The following PTPRG variants were observed in gnomAD, a reference collection of about 807,000 sequenced individuals.
The protein encoded by PTPRG is receptor-type tyrosine-protein phosphatase gamma.
Under a neutral mutation model 165.3 loss-of-function variants are expected in PTPRG, and 102 were observed. The observed-to-expected ratio is 0.62, with a 90% CI of 0.53 to 0.73. The LOEUF (loss-of-function observed/expected upper bound fraction) is 0.73. Ranked by LOEUF, PTPRG falls within the 30% of genes least tolerant of loss-of-function variation. The pLI is 0.00. For synonymous variants in PTPRG, 675 were observed against 669.5 expected, an observed-to-expected ratio of 1.01 and a Z score of -0.13; for missense variants, 1,866 against 1,861.4, an observed-to-expected ratio of 1.00 and a Z score of -0.05.
rs566944160 is a variant in PTPRG, at chr3:62,269,124, C to T, written c.2964C>T (p.Cys988=). 2.1e-4 allele frequency: 336 copies of T among 1,601,614 alleles called. 3 individuals carry two copies. The South Asian group carries it at 3.4e-3, about 16-fold the overall frequency. ...TGAAGAGCACAAAAATACATGCCTG[C>T]TACACTGTTCGTCGTTTTTCAATCA... The part of the protein sequence containing the change: ...VTLKSTKIHA[C]YTVRRFSIRN... The change falls in exon 20 of 30, where the codon TGC becomes TGT. Residue 988 remains cysteine, a synonymous_variant. Transcript: ENST00000474889.
intron 6 of PTPRG, among the ~76,000 whole-genome samples, chr3:62,143,842 T>C (rs971111947): frequency 1.1e-4 from 17 of 152,222 alleles, no homozygotes; most frequent in Admixed American, 9.2e-4. Flanking sequence ...TACAAATTAC[T>C]GAACCTCTCT....
rs575122203 is a variant in PTPRG at position 62,169,407 on chromosome 3, T to A, written c.1033+1244T>A. 5.9e-5 allele frequency among the ~76,000 whole-genome samples: 9 copies of A among 152,264 alleles called. No individual in the cohort carries two copies. In the East Asian group the frequency reaches 1.7e-3, roughly 29 times the overall value. Reference sequence around the variant, plus strand: ...GCTTATTATTTTTTTAACCTATTATTTAACAGTTTAACCCCGGTATCTGAT... The same window carrying A: ...GCTTATTATTTTTTTAACCTATTATATAACAGTTTAACCCCGGTATCTGAT... On this transcript the variant is annotated intron_variant, in intron 8 of 29. Coordinates refer to ENST00000474889, the MANE Select transcript of PTPRG (RefSeq NM_002841.4).
rs916188451 is a variant in PTPRG, at chr3:62,131,358, G to C, written c.616-1244G>C. On this transcript the variant is annotated intron_variant, in intron 5 of 29. Transcript: ENST00000474889. ...CTTCTGGAGATGCTGAGGCTTAGGA[G>C]AGATGGAAGTGTGTGCAGTGTGTGT... Among the ~76,000 whole-genome samples, 3 of 152,312 alleles carry C rather than the reference G, an allele frequency of 2.0e-5. No individual in the cohort carries two copies. The South Asian group carries it at 6.2e-4, about 32-fold the overall frequency.
intron 7 of PTPRG, among the ~76,000 whole-genome samples, chr3:62,164,464 G>A (rs963239692): frequency 1.3e-5 from 2 of 152,152 alleles, no homozygotes; most frequent in African/African-American, 4.8e-5. Context: ...CAGGGTTTTA[G>A]TGAATGCCGC....
intron 1 of PTPRG, among the ~76,000 whole-genome samples, chr3:61,724,359 G>T (rs1454391479): frequency 2.6e-5 from 4 of 152,014 alleles, no homozygotes; most frequent in South Asian, 2.1e-4. Flanking sequence ...GTATTCTGTG[G>T]CATGGATGCA....
chr3:61,824,720 A>G (rs1214006096), intron 2 of PTPRG, among the ~76,000 whole-genome samples: 1 of 152,188 alleles, frequency 6.6e-6, no homozygotes, highest in Non-Finnish European at 1.5e-5. Flanking sequence ...AAGCCCAGGA[A>G]GTCAAGGTTG....
At chr3:62,277,748 T>C (rs1702279399) in intron 26 of PTPRG, 69 bp downstream of exon 26, 1 of 1,581,956 alleles carries the variant, frequency 6.3e-7, no homozygotes. Context: ...CTTTGATACT[T>C]TGCCATAGGG....
At chr3:61,947,419 A>G (rs368906206) in intron 2 of PTPRG, among the ~76,000 whole-genome samples, 6 of 152,374 alleles carry the variant, frequency 3.9e-5, no homozygotes, top group East Asian at 3.9e-4. Context: ...TGCCAGGGCA[A>G]TATGGGAATG....
At chr3:61,803,602 T>A (rs1046453432) in intron 2 of PTPRG, among the ~76,000 whole-genome samples, 10 of 142,182 alleles carry the variant, frequency 7.0e-5, no homozygotes, top group Non-Finnish European at 1.2e-4. Context: ...TGATGAGTTA[T>A]TTTTTCCCCC....
chr3:61,876,565 A>AT (rs1018636752), intron 2 of PTPRG, among the ~76,000 whole-genome samples: 2 of 152,138 alleles, frequency 1.3e-5, no homozygotes, highest in African/African-American at 4.8e-5. Context: ...ATACAAACTT[A>AT]TTTTTTTAAA....
chr3:61,793,395 T>C (rs1055423175), intron 2 of PTPRG, among the ~76,000 whole-genome samples: 4 of 152,218 alleles, frequency 2.6e-5, no homozygotes, highest in African/African-American at 9.6e-5. Context: ...TTATCTTCTT[T>C]TGGATGTGTT....
intron 12 of PTPRG, among the ~76,000 whole-genome samples, chr3:62,205,612 C>T (rs1338717416): frequency 6.6e-6 from 1 of 152,150 alleles, no homozygotes; most frequent in African/African-American, 2.4e-5. Flanking sequence ...TGCAAAGATC[C>T]AGGGAGGGGA....
At chr3:62,264,624 C>T (rs534820345) in intron 17 of PTPRG, among the ~76,000 whole-genome samples, 3 of 152,250 alleles carry the variant, frequency 2.0e-5, no homozygotes, top group Non-Finnish European at 2.9e-5. Flanking sequence ...TATATCAATA[C>T]TTCATTCCTT....
At chr3:61,706,988 T>C (rs1205480523) in intron 1 of PTPRG, among the ~76,000 whole-genome samples, 1 of 152,208 alleles carries the variant, frequency 6.6e-6, no homozygotes, top group Non-Finnish European at 1.5e-5. Flanking sequence ...GTTCCATGAA[T>C]GGTATTTTCA....
chr3:62,015,379 C>G (rs2041518642), intron 4 of PTPRG, among the ~76,000 whole-genome samples: 1 of 152,152 alleles, frequency 6.6e-6, no homozygotes, highest in African/African-American at 2.4e-5. Context: ...GGTGTGAGGT[C>G]TTGGAGACCA....
chr3:61,850,362 C>T (rs547406414), intron 2 of PTPRG, among the ~76,000 whole-genome samples: 14 of 152,126 alleles, frequency 9.2e-5, no homozygotes, highest in South Asian at 6.2e-4. Context: ...GTGGGGTTTC[C>T]GCATGTTGGC....
chr3:61,592,351 T>A (rs1435006926), intron 1 of PTPRG, among the ~76,000 whole-genome samples: 2 of 152,132 alleles, frequency 1.3e-5, no homozygotes, highest in African/African-American at 2.4e-5. Context: ...TGTTCCCGCC[T>A]TCAGAGCAAG....
intron 1 of PTPRG, among the ~76,000 whole-genome samples, chr3:61,720,969 G>A (rs1341456834): frequency 6.6e-6 from 1 of 152,218 alleles, no homozygotes; most frequent in Non-Finnish European, 1.5e-5. Flanking sequence ...CTTCTTGCTT[G>A]TAATTTTAAT....
At chr3:61,972,125 G>A (rs1268392617) in intron 2 of PTPRG, among the ~76,000 whole-genome samples, 1 of 152,242 alleles carries the variant, frequency 6.6e-6, no homozygotes, top group Non-Finnish European at 1.5e-5. Flanking sequence ...TTACATATGT[G>A]TGGCAGAATA....
Sources: gnomAD v4.1 joint callset for allele counts (sites outside exome capture counted in the v4.1 genomes callset) on GRCh38, gnomAD v4.1.1 for gene constraint, MANE v1.5 for transcripts, NCBI Gene and HGNC (gene_info 2026-07-23, HGNC 2026-07-21) for gene names.